PKD2: variants seen among roughly 807,000 people sequenced by gnomAD.
PKD2 encodes polycystin 2, transient receptor potential cation channel, also known as polycystin-2.
A neutral mutation model predicts 105.9 loss-of-function variants in PKD2; 48 were observed. The ratio of observed to expected loss-of-function variants is 0.45; its 90% CI spans 0.36 to 0.58. The LOEUF (loss-of-function observed/expected upper bound fraction) is 0.58, where lower values mean the gene tolerates loss of function less well. PKD2 is among the 20% of genes least tolerant of loss of function. The pLI is 0.00. For synonymous variants in PKD2, 464 were observed against 481.1 expected (o/e 0.96, Z 0.46); for missense variants, 1,078 against 1,255.3 (o/e 0.86, Z 2.13).
At chr4:88,040,586 C>G (rs180688424) in intron 4 of PKD2, among the ~76,000 whole-genome samples, 2 of 152,316 alleles carry the variant, frequency 1.3e-5, no homozygotes, top group Non-Finnish European at 2.9e-5. Context: ...TCCTTACCAT[C>G]AATTCACGTC....
At chr4:88,027,569 G>A (rs573258027) in intron 2 of PKD2, among the ~76,000 whole-genome samples, 6 of 152,196 alleles carry the variant, frequency 3.9e-5, no homozygotes, top group African/African-American at 7.2e-5. Context: ...ATGTTGGAAC[G>A]AATTAAGACA....
intron 5 of PKD2, among the ~76,000 whole-genome samples, chr4:88,045,087 T>C (rs1312515840): frequency 1.3e-5 from 2 of 152,176 alleles, no homozygotes; most frequent in East Asian, 1.9e-4. Context: ...TTATAGAAGG[T>C]CTTGAGTATT....
At chr4:88,029,779 A>G (rs1727081450) in intron 2 of PKD2, among the ~76,000 whole-genome samples, 1 of 152,228 alleles carries the variant, frequency 6.6e-6, no homozygotes, top group African/African-American at 2.4e-5. Flanking sequence ...TGAAGCCTGA[A>G]GCAAGAATGA....
intron 2 of PKD2, among the ~76,000 whole-genome samples, chr4:88,034,909 G>A (rs1251719098): frequency 6.6e-6 from 1 of 152,064 alleles, no homozygotes; most frequent in African/African-American, 2.4e-5. Flanking sequence ...TATTATACCT[G>A]CAATCATTAA....
At chr4:88,025,704 C>G (rs756438288) in intron 2 of PKD2, among the ~76,000 whole-genome samples, 20 of 152,046 alleles carry the variant, frequency 1.3e-4, no homozygotes, top group Non-Finnish European at 2.6e-4. Flanking sequence ...CCACCCAGAT[C>G]TCATCTCCAA....
chr4:88,027,700 A>G (rs1285383093), intron 2 of PKD2, among the ~76,000 whole-genome samples: 1 of 152,194 alleles, frequency 6.6e-6, no homozygotes, highest in Non-Finnish European at 1.5e-5. Flanking sequence ...TCTCATCTCC[A>G]ATTGTAATCC....
At chr4:88,023,112 AAAAT>A (rs964551222) in intron 2 of PKD2, among the ~76,000 whole-genome samples, 6 of 151,924 alleles carry the variant, frequency 3.9e-5, no homozygotes, top group South Asian at 2.1e-4. Context: ...ATAAATAAAT[AAAAT>A]AAATAAATAA....
At chr4:88,025,733 G>C (rs1726936908) in intron 2 of PKD2, among the ~76,000 whole-genome samples, 1 of 152,156 alleles carries the variant, frequency 6.6e-6, no homozygotes, top group Admixed American at 6.5e-5. Context: ...CCCGTGTATT[G>C]ACGGAGGTTC....
At chr4:88,071,045 A>G (rs1438033360) in intron 13 of PKD2, among the ~76,000 whole-genome samples, 2 of 149,536 alleles carry the variant, frequency 1.3e-5, no homozygotes, top group Admixed American at 6.6e-5. Context: ...TGATGAGACA[A>G]TGTCATCATA....
In PKD2 at chr4:88,067,955, C is replaced by A. The variant is rs1402044417; in HGVS notation, c.2416C>A (p.Pro806Thr). Reference protein sequence around the residue: ...LPRPMSSRSFPRSLDDSEEDD... With the variant: ...LPRPMSSRSFTRSLDDSEEDD... ...ACGTCCCATGAGCAGCCGAAGTTTC[C>A]CTCGAAGCCTGGATGACTCTGAGGA... Residue 806 changes from proline to threonine, a missense_variant, in exon 13 of 15, where the codon CCT (proline) becomes ACT (threonine). This residue lies in a region of PKD2 where 868 missense variants were observed against 1,067.3 expected (regional missense o/e 0.81). Coordinates refer to ENST00000237596, the MANE Select transcript of PKD2 (RefSeq NM_000297.4). 1.9e-6 allele frequency: 3 copies of A among 1,613,902 alleles called. No individual in the cohort carries two copies. The African/African-American group carries it at 4.0e-5, about 22-fold the overall frequency.
chr4:88,051,999 G>C lies in PKD2; in HGVS notation c.1557G>C (p.Val519=). The C allele has an allele frequency of 6.3e-7, 1 of 1,576,658 alleles. No homozygotes were observed. Among genetic ancestry groups the C allele is most frequent in the African/African-American group, 1.3e-5 (1 of 74,308 alleles). Residue 519 remains valine, a synonymous_variant, in exon 7 of 15, where the codon GTG becomes GTC. Transcript: ENST00000237596. ...CLDVVIVVLS[V]VAIGINIYRT... ...AATATTTTGCTTTTCAGCTGTCAGT[G>C]GTAGCTATAGGAATTAACATATACA...
chr4:88,056,034 T>C lies in PKD2; in HGVS notation c.1717-52T>C. 4 of 1,100,928 alleles carry C rather than the reference T, an allele frequency of 3.6e-6. No homozygotes were observed. In the South Asian group the frequency reaches 4.9e-5, roughly 14 times the overall value. 68.2% of individuals were successfully genotyped at this position (1,100,928 alleles called of 1,614,324 possible). Reference sequence around the variant, plus strand: ...TGAAATAATGTTTTATTATATACAGTCACACCATTTTGTTTATCCATTCAT... The same window carrying C: ...TGAAATAATGTTTTATTATATACAGCCACACCATTTTGTTTATCCATTCAT... On this transcript the variant is annotated intron_variant, in intron 7 of 14. Coordinates refer to ENST00000237596, the MANE Select transcript of PKD2 (RefSeq NM_000297.4).
intron 7 of PKD2, among the ~76,000 whole-genome samples, chr4:88,053,748 C>T (rs1330084688): frequency 7.9e-5 from 12 of 151,492 alleles, no homozygotes; most frequent in Admixed American, 7.9e-4. Context: ...ATCACTAAAG[C>T]ACAAAACCTT....
At chr4:88,021,883 T>A (rs1726762734) in intron 2 of PKD2, among the ~76,000 whole-genome samples, 1 of 152,224 alleles carries the variant, frequency 6.6e-6, no homozygotes, top group South Asian at 2.1e-4. Flanking sequence ...TTCCAGTTCA[T>A]CCAGCTGTTG....
chr4:88,024,616 A>G (rs969355142), intron 2 of PKD2, among the ~76,000 whole-genome samples: 6 of 152,072 alleles, frequency 3.9e-5, no homozygotes, highest in Non-Finnish European at 7.4e-5. Flanking sequence ...TGAGTAAAAA[A>G]TCTATATATA....
At chr4:88,053,766 A>G (rs1305390331) in intron 7 of PKD2, among the ~76,000 whole-genome samples, 2 of 152,198 alleles carry the variant, frequency 1.3e-5, no homozygotes, top group African/African-American at 4.8e-5. Context: ...CTTGATCATA[A>G]CATAGTAATA....
chr4:88,038,567 T>C, intron 4 of PKD2, 66 bp downstream of exon 4: 1 of 1,457,058 alleles, frequency 6.9e-7, no homozygotes, highest in African/African-American at 1.4e-5. Flanking sequence ...CTCCCACCAT[T>C]CATTCATTCA....
Position 88,075,811 on chromosome 4 carries a change from G to A in PKD2, c.*117G>A, listed in dbSNP as rs929687415. 2.7e-5 allele frequency: 21 copies of A among 784,292 alleles called. No homozygotes were observed. Among genetic ancestry groups the A allele is most frequent in the South Asian group, 1.2e-4 (9 of 73,246 alleles). The allele number at this position is 784,292 out of a possible 1,614,324, so 48.6% of individuals were successfully genotyped here. A position where few individuals can be genotyped will look rare whatever the true frequency, so the allele number is the denominator to read the frequency against. On this transcript the variant is annotated 3_prime_UTR_variant, in exon 15 of 15. Transcript: ENST00000237596. The stretch of plus-strand genomic sequence containing the variant: ...CCATAGGATGCTAGTCTTTGTGACC[G>A]ATTGCTAATCTTCTGCACTTTAATT...
At chr4:88,071,129 C>T (rs1721019313) in intron 13 of PKD2, among the ~76,000 whole-genome samples, 1 of 151,902 alleles carries the variant, frequency 6.6e-6, no homozygotes, top group African/African-American at 2.4e-5. Flanking sequence ...GATCCTAGCT[C>T]ACTGCAGCCT....
Sources: gnomAD v4.1 joint callset for allele counts (sites outside exome capture counted in the v4.1 genomes callset) on GRCh38, gnomAD v4.1.1 for gene constraint, gnomAD v4.1.1 regional missense constraint, MANE v1.5 for transcripts, NCBI Gene and HGNC (gene_info 2026-07-23, HGNC 2026-07-21) for gene names.